The following RNF4 variants were observed in gnomAD, a reference collection of about 807,000 sequenced individuals.
RNF4 encodes E3 ubiquitin-protein ligase RNF4.
In RNF4, 7 loss-of-function variants were observed where a neutral mutation model predicts 24.3. The observed-to-expected ratio is 0.29, with a 90% CI of 0.16 to 0.54. The LOEUF is 0.54. RNF4 is among the 20% of genes least tolerant of loss of function. The pLI is 0.95. For synonymous variants in RNF4, 83 were observed against 84.3 expected (o/e 0.98, Z 0.09); for missense variants, 209 against 248.5 (o/e 0.84, Z 1.07).
At chr4:2,506,145 G>A (rs1560412782) in intron 4 of RNF4, 1 of 151,664 alleles carries the variant, frequency 6.6e-6, no homozygotes, top group African/African-American at 2.4e-5. Flanking sequence ...TTTTTAAATC[G>A]TTGAAAAAAT....
chr4:2,472,275 A>G (rs1734930417), intron 1 of RNF4, among the ~76,000 whole-genome samples: 1 of 152,218 alleles, frequency 6.6e-6, no homozygotes, highest in African/African-American at 2.4e-5. Context: ...TTTACTGAAT[A>G]TTTTAAGCCC....
In RNF4 at chr4:2,497,017, G is replaced by A. The variant is rs770967471; in HGVS notation, c.20G>A (p.Arg7His). 47 of 1,601,200 alleles carry A rather than the reference G, an allele frequency of 2.9e-5. No homozygotes were observed. The highest frequency in any genetic ancestry group is 3.7e-5 in the Non-Finnish European group (44 of 1,174,168). ...CCCCTTGCTACTCAGAGAAAGCGTCGTGGTGGAGCAATAAATTCTAGACAA... is the reference window on the plus strand; with the variant it reads ...CCCCTTGCTACTCAGAGAAAGCGTCATGGTGGAGCAATAAATTCTAGACAA... MSTRKR[R>H]GGAINSRQAQ... Residue 7 changes from arginine to histidine, a missense_variant, in exon 3 of 8, where the codon CGT becomes CAT. By Grantham distance (29) the Arg-to-His change is conservative (BLOSUM62 0). Coordinates refer to ENST00000314289, the MANE Select transcript of RNF4 (RefSeq NM_002938.5).
chr4:2,495,821 G>A (rs913803381), intron 2 of RNF4, among the ~76,000 whole-genome samples: 6 of 152,102 alleles, frequency 3.9e-5, no homozygotes, highest in African/African-American at 7.2e-5. Flanking sequence ...TAGTAGAGAC[G>A]GGTTTCACCG....
In RNF4 at chr4:2,490,402, G is replaced by T; in HGVS notation, c.-92G>T. The T allele has an allele frequency of 7.8e-7, 1 of 1,283,174 alleles. No homozygotes were observed. Among genetic ancestry groups the T allele is most frequent in the South Asian group, 1.3e-5 (1 of 78,262 alleles). The allele number at this position is 1,283,174 out of a possible 1,614,324, so 79.5% of individuals were successfully genotyped here. On this transcript the variant is annotated 5_prime_UTR_variant, in exon 2 of 8. Transcript: ENST00000314289. The stretch of plus-strand genomic sequence containing the variant: ...TTGCAAGCCAGATGAGTAACCAGAG[G>T]GCATGAAAGGTTGAGAACATTTGAC...
intron 1 of RNF4, among the ~76,000 whole-genome samples, chr4:2,479,577 C>T (rs1022602230): frequency 1.3e-5 from 2 of 152,110 alleles, no homozygotes; most frequent in Non-Finnish European, 2.9e-5. Flanking sequence ...CTTTGCCTGC[C>T]GCCATCCACG....
chr4:2,500,604 T>C, intron 3 of RNF4, 55 bp from the exon 4 acceptor site: 1 of 1,570,968 alleles, frequency 6.4e-7, no homozygotes, highest in Non-Finnish European at 8.7e-7. Context: ...TGTAGAGGGA[T>C]ACAACCTTAC....
chr4:2,504,149 G>GA (rs1259951145), intron 4 of RNF4, among the ~76,000 whole-genome samples: 2 of 152,220 alleles, frequency 1.3e-5, no homozygotes, highest in Non-Finnish European at 2.9e-5. Flanking sequence ...GAAGGGAAAT[G>GA]AAAAATGCGG....
At chr4:2,474,994 T>A (rs1457165041) in intron 1 of RNF4, among the ~76,000 whole-genome samples, 4 of 151,974 alleles carry the variant, frequency 2.6e-5, no homozygotes, top group Admixed American at 2.6e-4. Flanking sequence ...GCCGTTGTAC[T>A]CCAGCCTGGG....
At chr4:2,469,973 A>T (rs1007809547) in intron 1 of RNF4, 2 of 152,296 alleles carry the variant, frequency 1.3e-5, no homozygotes, top group Non-Finnish European at 2.9e-5. Context: ...GTTGCTAGTA[A>T]ACACCGCTTT....
At chr4:2,496,981 A>C in intron 2 of RNF4, 26 bp from the exon 3 acceptor site, 2 of 1,531,782 alleles carry the variant, frequency 1.3e-6, no homozygotes, top group Non-Finnish European at 1.8e-6. Context: ...TGTTCATGTG[A>C]CTCTTCTTTC....
At chr4:2,500,156 C>CAAAA (rs5855735) in intron 3 of RNF4, among the ~76,000 whole-genome samples, 5 of 77,178 alleles carry the variant, frequency 6.5e-5, no homozygotes, top group East Asian at 3.3e-4. Context: ...GACTCTGTCT[C>CAAAA]AAAAAAAAAA....
chr4:2,509,829 T>TA (rs1474979490), intron 4 of RNF4, among the ~76,000 whole-genome samples: 2 of 152,100 alleles, frequency 1.3e-5, no homozygotes, highest in African/African-American at 2.4e-5. Context: ...CACACCTAAT[T>TA]AGTGGGTCAT....
In RNF4 at chr4:2,512,992, C is replaced by A; in HGVS notation, c.375-91C>A. 2 of 1,284,306 alleles carry A rather than the reference C, an allele frequency of 1.6e-6. No individual in the cohort carries two copies. The highest frequency in any genetic ancestry group is 2.3e-6 in the Non-Finnish European group (2 of 883,372). The allele number at this position is 1,284,306 out of a possible 1,614,324, so 79.6% of individuals were successfully genotyped here. ...CAGAGTCAGGAGGCCAGGGACGGGA[C>A]TCTTGTAGGGGATAGGGGCCACTCA... On this transcript the variant is annotated intron_variant, in intron 6 of 7. Transcript: ENST00000314289. The surrounding 1 kb of genome is among the most constrained non-coding windows in gnomAD (Gnocchi z 4.1).
At chr4:2,513,216 G>A in intron 7 of RNF4, 85 bp downstream of exon 7, 1 of 1,319,818 alleles carries the variant, frequency 7.6e-7, no homozygotes, top group Non-Finnish European at 1.1e-6. Context: ...TTCCCCCTCG[G>A]TGGGATTGGA....
intron 1 of RNF4, among the ~76,000 whole-genome samples, chr4:2,471,625 G>A (rs1189870850): frequency 6.6e-6 from 1 of 152,212 alleles, no homozygotes; most frequent in Non-Finnish European, 1.5e-5. Flanking sequence ...GCCAAGTTGT[G>A]AATGCAGAGG....
intron 1 of RNF4, among the ~76,000 whole-genome samples, chr4:2,474,401 G>T (rs1203815005): frequency 7.0e-6 from 1 of 142,898 alleles, no homozygotes; most frequent in South Asian, 2.2e-4. Context: ...AAAAAAAAAA[G>T]TAGAACCTGA....
intron 1 of RNF4, chr4:2,469,792 G>C: frequency 6.5e-6 from 1 of 152,696 alleles, no homozygotes; most frequent in Non-Finnish European, 1.5e-5. Flanking sequence ...CGAGGTCGCA[G>C]TCTAAAACTT....
At chr4:2,479,419 G>C (rs543098796) in intron 1 of RNF4, among the ~76,000 whole-genome samples, 4 of 152,160 alleles carry the variant, frequency 2.6e-5, no homozygotes, top group Non-Finnish European at 5.9e-5. Flanking sequence ...CCCCCACCCA[G>C]ATCTCATCTT....
At chr4:2,509,202 A>T (rs1229915742) in intron 4 of RNF4, among the ~76,000 whole-genome samples, 2 of 151,652 alleles carry the variant, frequency 1.3e-5, no homozygotes, top group African/African-American at 2.4e-5. Flanking sequence ...TGCAGGCATG[A>T]GCCACCGGGC....
Sources: allele counts gnomAD v4.1 joint callset (sites outside exome capture counted in the v4.1 genomes callset), GRCh38; gene constraint gnomAD v4.1.1; non-coding constraint Gnocchi (gnomAD v3.1); transcripts MANE v1.5; gene names NCBI Gene and HGNC (gene_info 2026-07-23, HGNC 2026-07-21).